Variants in CELF4 observed in about 807,000 individuals in gnomAD.
CELF4 encodes CUG-BP- and ETR-3-like factor 4.
In CELF4, 18 loss-of-function variants were observed where a neutral mutation model predicts 59.9. The ratio of observed to expected loss-of-function variants is 0.30; its 90% CI spans 0.21 to 0.45. The LOEUF (loss-of-function observed/expected upper bound fraction) is 0.45. CELF4 is among the 20% of genes least tolerant of loss of function. The probability of loss-of-function intolerance (pLI) is 1.00; values close to 1 mark genes in which losing one functional copy is unlikely to be tolerated. For synonymous variants in CELF4, 261 were observed against 267.1 expected (o/e 0.98, Z 0.22); for missense variants, 456 against 689.0 (o/e 0.66, Z 3.79).
In CELF4 at chr18:37,273,059, G is replaced by A. The variant is rs1251465189; in HGVS notation, c.906C>T (p.Leu302=). ...AAAQMQQMAA[L]NMNGLAAAPM... is the part of the protein sequence containing the mutation. ...GTGCGGCCGCCAGGCCATTCATGTT[G>A]AGGGCCGCCATCTGCTGCATCTGGG... Residue 302 remains leucine, a synonymous_variant, in exon 7 of 13, where the codon CTC becomes CTT. Transcript: ENST00000420428. The A allele has an allele frequency of 6.2e-7, 1 of 1,612,690 alleles. No homozygotes were observed. The highest frequency in any genetic ancestry group is 8.5e-7 in the Non-Finnish European group (1 of 1,179,880).
chr18:37,443,332 A>G (rs1440737805), intron 2 of CELF4, among the ~76,000 whole-genome samples: 1 of 151,998 alleles, frequency 6.6e-6, no homozygotes, highest in African/African-American at 2.4e-5. Flanking sequence ...TGGGTTAGAT[A>G]AACAGGGGAG....
At position 37,447,740 on chromosome 18, in the gene CELF4, C is replaced by T. The variant is rs1238001194; in HGVS notation, c.369+37785G>A. Among the ~76,000 whole-genome samples, 4 of 152,334 alleles carry T rather than the reference C, an allele frequency of 2.6e-5. No homozygotes were observed. The South Asian group carries it at 6.2e-4, about 24-fold the overall frequency. On this transcript the variant is annotated intron_variant, in intron 2 of 12. Coordinates refer to ENST00000420428, the MANE Select transcript of CELF4 (RefSeq NM_020180.4). Reference sequence around the variant, plus strand: ...GACTTTATTTTCTGATTCTTACCTGCCCTGGTGTTCGGGTTTGGGCCAATG... The same window carrying T: ...GACTTTATTTTCTGATTCTTACCTGTCCTGGTGTTCGGGTTTGGGCCAATG...
chr18:37,533,556 C>T (rs1355021820), intron 1 of CELF4, among the ~76,000 whole-genome samples: 1 of 152,224 alleles, frequency 6.6e-6, no homozygotes, highest in African/African-American at 2.4e-5. Flanking sequence ...TAAAGGGCAA[C>T]TATTCACATG....
chr18:37,270,539 T>C (rs112053308), intron 8 of CELF4, among the ~76,000 whole-genome samples: 6 of 152,316 alleles, frequency 3.9e-5, no homozygotes, highest in African/African-American at 1.4e-4. Context: ...TGGGGATCTG[T>C]CTCCCAGATC....
intron 2 of CELF4, among the ~76,000 whole-genome samples, chr18:37,461,360 T>C (rs1244706609): frequency 2.0e-5 from 3 of 152,216 alleles, no homozygotes; most frequent in Admixed American, 6.5e-5. Flanking sequence ...AGGAAACTTA[T>C]AATCATGGTG....
intron 3 of CELF4, among the ~76,000 whole-genome samples, chr18:37,291,867 C>T (rs2095355874): frequency 6.6e-6 from 1 of 152,182 alleles, no homozygotes; most frequent in African/African-American, 2.4e-5. Flanking sequence ...TTCCTTGTCC[C>T]AACACAGCAA....
intron 1 of CELF4, among the ~76,000 whole-genome samples, chr18:37,542,530 G>T: frequency 6.6e-6 from 1 of 152,156 alleles, no homozygotes; most frequent in East Asian, 1.9e-4. Flanking sequence ...CCACTTACTT[G>T]CTCCGTGCCC....
At chr18:37,412,571 T>A (rs1209358840) in intron 2 of CELF4, among the ~76,000 whole-genome samples, 1 of 150,870 alleles carries the variant, frequency 6.6e-6, no homozygotes, top group African/African-American at 2.4e-5. Context: ...TGTGTATGAA[T>A]GGGTGAATGG....
At chr18:37,546,533 G>A (rs2099981468) in intron 1 of CELF4, among the ~76,000 whole-genome samples, 1 of 152,180 alleles carries the variant, frequency 6.6e-6, no homozygotes, top group African/African-American at 2.4e-5. Context: ...CCTGAGCTGG[G>A]AGGGAAAGGG....
chr18:37,565,299 C>T, intron 1 of CELF4, 57 bp downstream of exon 1: 1 of 1,459,098 alleles, frequency 6.9e-7, no homozygotes, highest in South Asian at 1.5e-5. Flanking sequence ...GCCGGCCGGT[C>T]GGCCCGCCAG....
At chr18:37,527,463 G>A (rs1315024630) in intron 1 of CELF4, among the ~76,000 whole-genome samples, 8 of 152,114 alleles carry the variant, frequency 5.3e-5, no homozygotes, top group African/African-American at 1.4e-4. Flanking sequence ...CAAGGTTTAC[G>A]TGTAGTAAAC....
intron 2 of CELF4, among the ~76,000 whole-genome samples, chr18:37,348,362 T>C (rs2098341107): frequency 6.6e-6 from 1 of 152,012 alleles, no homozygotes; most frequent in Admixed American, 6.5e-5. Flanking sequence ...GCTTCTTTGG[T>C]CCCTTCCTTT....
chr18:37,275,598 C>A, intron 3 of CELF4: 1 of 275,882 alleles, frequency 3.6e-6, no homozygotes, highest in Non-Finnish European at 7.0e-6. Flanking sequence ...AGCACACGGG[C>A]AGCCTGCGTT....
intron 1 of CELF4, among the ~76,000 whole-genome samples, chr18:37,495,256 C>T (rs1291711310): frequency 1.3e-5 from 2 of 152,154 alleles, no homozygotes; most frequent in African/African-American, 4.8e-5. Context: ...GCCTCCTTGG[C>T]AAGACCAAAA....
Position 37,282,778 on chromosome 18 carries a change from C to T in CELF4, c.449-7535G>A, listed in dbSNP as rs549550792. ...TATGTGACCAGGCTGGCCATCCTCC[C>T]AAGAGCCAGTTCCTTCACCTGAGAC... On this transcript the variant is annotated intron_variant, in intron 3 of 12. Transcript: ENST00000420428. 4.6e-5 allele frequency among the ~76,000 whole-genome samples: 7 copies of T among 152,236 alleles called. No individual in the cohort carries two copies. The South Asian group carries it at 6.2e-4, about 14-fold the overall frequency.
At chr18:37,393,277 C>A (rs887913817) in intron 2 of CELF4, among the ~76,000 whole-genome samples, 29 of 152,198 alleles carry the variant, frequency 1.9e-4, no homozygotes, top group African/African-American at 7.0e-4. Flanking sequence ...CAGATACAGA[C>A]CTCCTGATGG....
At chr18:37,306,556 C>A (rs1032529422) in intron 3 of CELF4, among the ~76,000 whole-genome samples, 1 of 152,208 alleles carries the variant, frequency 6.6e-6, no homozygotes, top group African/African-American at 2.4e-5. Context: ...GTCTGCTTGG[C>A]AGAGCCGGGT....
Position 37,243,818 on chromosome 18 carries a change from G to T in CELF4, c.*1424C>A. On this transcript the variant is annotated 3_prime_UTR_variant, in exon 13 of 13. Coordinates refer to ENST00000420428, the MANE Select transcript of CELF4 (RefSeq NM_020180.4). ...AAAGTTCCCAGTTCTCCCTTGCCCG[G>T]AAAGTCTCTGGAGCAAGCGTGGAAG... is the stretch of plus-strand genomic sequence containing the variant. The T allele has an allele frequency of 6.0e-6, 1 of 165,618 alleles. No homozygotes were observed. The highest frequency in any genetic ancestry group is 1.3e-5 in the Non-Finnish European group (1 of 76,306). The allele number at this position is 165,618 out of a possible 1,614,324, so 10.3% of individuals were successfully genotyped here. A position where few individuals can be genotyped will look rare whatever the true frequency, so the allele number is the denominator to read the frequency against.
intron 1 of CELF4, among the ~76,000 whole-genome samples, chr18:37,528,152 A>T (rs550339560): frequency 6.6e-6 from 1 of 152,342 alleles, no homozygotes; most frequent in African/African-American, 2.4e-5. Flanking sequence ...ATCCTGGCAA[A>T]TATTAAGCAT....
Sources: gnomAD v4.1 joint callset for allele counts (sites outside exome capture counted in the v4.1 genomes callset) on GRCh38, gnomAD v4.1.1 for gene constraint, MANE v1.5 for transcripts, NCBI Gene and HGNC (gene_info 2026-07-23, HGNC 2026-07-21) for gene names.